Variants in MKRN1 observed in about 807,000 individuals in gnomAD.
MKRN1 encodes the protein E3 ubiquitin-protein ligase makorin-1.
A neutral mutation model predicts 55.5 loss-of-function variants in MKRN1; 9 were observed. That is an observed-to-expected ratio of 0.16 (90% CI 0.10 to 0.28). The LOEUF (loss-of-function observed/expected upper bound fraction) is 0.28. Among genes scored for constraint, MKRN1 ranks in the 10% least tolerant of loss-of-function variants. The pLI, the probability that MKRN1 is intolerant of heterozygous loss-of-function variation, is 1.00. For missense variants in MKRN1, 488 were observed against 626.7 expected (o/e 0.78, Z 2.36); for synonymous variants, 253 against 235.9 (o/e 1.07, Z -0.66).
intron 1 of MKRN1, among the ~76,000 whole-genome samples, chr7:140,476,337 A>G (rs1159422182): frequency 6.6e-6 from 1 of 151,902 alleles, no homozygotes; most frequent in Non-Finnish European, 1.5e-5. Context: ...AAAAATATAC[A>G]TGTGGCCGGG....
In MKRN1 at chr7:140,461,543, A is replaced by G. The variant is rs186654084; in HGVS notation, c.315-1607T>C. On this transcript the variant is annotated intron_variant, in intron 2 of 7. Transcript: ENST00000255977. Reference sequence around the variant, plus strand: ...AGCTACTCAGGAGAGGCTGAGGCATAACAGTTGTTTAAACATGGGAGGTGG... The same window carrying G: ...AGCTACTCAGGAGAGGCTGAGGCATGACAGTTGTTTAAACATGGGAGGTGG... Among the ~76,000 whole-genome samples, 482 of 151,904 alleles carry G rather than the reference A, an allele frequency of 3.2e-3. 2 individuals carry two copies. The highest frequency in any genetic ancestry group is 0.011 in the African/African-American group (444 of 41,432).
intron 4 of MKRN1, among the ~76,000 whole-genome samples, chr7:140,458,108 T>C (rs1794517171): frequency 6.6e-6 from 1 of 152,204 alleles, no homozygotes; most frequent in East Asian, 1.9e-4. Context: ...TGTGGAAAAG[T>C]ATGGCAGTTC....
chr7:140,469,338 A>AG (rs1794856563), intron 2 of MKRN1, among the ~76,000 whole-genome samples: 1 of 151,848 alleles, frequency 6.6e-6, no homozygotes, highest in South Asian at 2.1e-4. Flanking sequence ...AAAAAAAAAA[A>AG]TTTACTATGA....
At chr7:140,466,053 C>T (rs1794756549) in intron 2 of MKRN1, among the ~76,000 whole-genome samples, 1 of 152,086 alleles carries the variant, frequency 6.6e-6, no homozygotes, top group African/African-American at 2.4e-5. Flanking sequence ...TGCACTCCAG[C>T]CTGGTGACAG....
intron 2 of MKRN1, among the ~76,000 whole-genome samples, chr7:140,471,394 A>G (rs1794920665): frequency 6.6e-6 from 1 of 152,120 alleles, no homozygotes; most frequent in African/African-American, 2.4e-5. Context: ...TAAATAAAAA[A>G]TAAATTTGAG....
intron 5 of MKRN1, 135 bp downstream of exon 5, chr7:140,456,517 T>C (rs970261439): frequency 1.9e-5 from 28 of 1,455,394 alleles, no homozygotes; most frequent in African/African-American, 2.9e-5. Context: ...AAAGAAGAAA[T>C]CCCCATTAGA....
At chr7:140,462,690 C>T (rs933910624) in intron 2 of MKRN1, among the ~76,000 whole-genome samples, 1 of 152,002 alleles carries the variant, frequency 6.6e-6, no homozygotes, top group Non-Finnish European at 1.5e-5. Flanking sequence ...TTAGGCAGGG[C>T]GCAGTGGCTC....
chr7:140,455,949 C>T (rs777129608), intron 5 of MKRN1, 49 bp from the exon 6 acceptor site: 4 of 1,494,232 alleles, frequency 2.7e-6, no homozygotes, highest in African/African-American at 1.4e-5. Flanking sequence ...TTTACAGGCC[C>T]ACTCTTCAAG....
chr7:140,468,532 C>T (rs1040119847), intron 2 of MKRN1, among the ~76,000 whole-genome samples: 1 of 151,688 alleles, frequency 6.6e-6, no homozygotes, highest in African/African-American at 2.4e-5. Flanking sequence ...GAAACCCTAA[C>T]TCTACTAAAA....
intron 2 of MKRN1, among the ~76,000 whole-genome samples, chr7:140,465,521 G>A (rs1004494231): frequency 1.3e-5 from 2 of 152,082 alleles, no homozygotes; most frequent in African/African-American, 4.8e-5. Flanking sequence ...TTTCCCCAGA[G>A]GGTGTCCAGA....
intron 2 of MKRN1, among the ~76,000 whole-genome samples, chr7:140,468,065 T>C (rs892379903): frequency 2.7e-5 from 4 of 149,162 alleles, no homozygotes; most frequent in Admixed American, 1.3e-4. Context: ...CCTTCATTTT[T>C]TTCATTCACT....
chr7:140,478,999 G>A (rs1234552967), intron 1 of MKRN1, 161 bp downstream of exon 1: 1 of 881,242 alleles, frequency 1.1e-6, no homozygotes, highest in Non-Finnish European at 1.5e-6. Flanking sequence ...GGGGGAACGC[G>A]GCGGCAGCGG....
chr7:140,456,480 A>G, intron 5 of MKRN1, 172 bp downstream of exon 5: 1 of 1,433,876 alleles, frequency 7.0e-7, no homozygotes, highest in Non-Finnish European at 9.1e-7. Flanking sequence ...TAGATAGACC[A>G]ACTAACCTAG....
intron 2 of MKRN1, among the ~76,000 whole-genome samples, chr7:140,469,687 T>C (rs954072714): frequency 1.3e-5 from 2 of 151,654 alleles, no homozygotes; most frequent in Admixed American, 6.6e-5. Flanking sequence ...CAAAGGCAGG[T>C]GGACTGCCTG....
chr7:140,472,802 C>A (rs1794972743), intron 1 of MKRN1, among the ~76,000 whole-genome samples: 1 of 151,532 alleles, frequency 6.6e-6, no homozygotes, highest in Non-Finnish European at 1.5e-5. Context: ...ATTATGAAAA[C>A]TGTTTAACTT....
chr7:140,457,897 G>A (rs546273624), intron 4 of MKRN1, among the ~76,000 whole-genome samples: 2 of 152,106 alleles, frequency 1.3e-5, no homozygotes, highest in Non-Finnish European at 2.9e-5. Context: ...AAAGTACGCT[G>A]AAGATAGGGA....
rs1310919085 is a variant in MKRN1 at position 140,471,931 on chromosome 7, A to G, written c.266T>C (p.Val89Ala). The G allele has an allele frequency of 2.5e-6, 4 of 1,614,122 alleles. No individual in the cohort carries two copies. The highest frequency in any genetic ancestry group is 8.5e-7 in the Non-Finnish European group (1 of 1,180,024). ...HDLSDSPYSVVCKYFQRGYCI... is the reference protein window; with the variant it reads ...HDLSDSPYSVACKYFQRGYCI... ...GTACCCTCGCTGAAAATACTTGCAC[A>G]CTACACTATACGGACTGTCAGAGAG... The change falls in exon 2 of 8, where the codon GTG (valine) becomes GCG (alanine). Residue 89 changes from valine to alanine, a missense_variant. Transcript: ENST00000255977.
chr7:140,454,484 T>A lies in MKRN1; in HGVS notation c.*33A>T. ...CACAGGGGACAGCTGCTGTCTGAGG[T>A]CAGCAGACCAGTTCACACGCCACGC... On this transcript the variant is annotated 3_prime_UTR_variant, in exon 8 of 8. Coordinates refer to ENST00000255977, the MANE Select transcript of MKRN1 (RefSeq NM_013446.4). The A allele has an allele frequency of 6.3e-7, 1 of 1,582,626 alleles. No homozygotes were observed. Among genetic ancestry groups the A allele is most frequent in the Non-Finnish European group, 8.6e-7 (1 of 1,158,570 alleles).
At chr7:140,472,784 C>T (rs1794972486) in intron 1 of MKRN1, among the ~76,000 whole-genome samples, 1 of 151,536 alleles carries the variant, frequency 6.6e-6, no homozygotes, top group Admixed American at 6.6e-5. Context: ...AATAATAATA[C>T]GCCTTAGATT....
Sources: allele counts gnomAD v4.1 joint callset (sites outside exome capture counted in the v4.1 genomes callset), GRCh38; gene constraint gnomAD v4.1.1; transcripts MANE v1.5; gene names NCBI Gene and HGNC (gene_info 2026-07-23, HGNC 2026-07-21).